Variants in KCNMB2 observed in about 807,000 individuals in gnomAD.
KCNMB2 encodes the protein potassium calcium-activated channel subfamily M regulatory beta subunit 2.
Under a neutral mutation model 24.5 loss-of-function variants are expected in KCNMB2, and 9 were observed. The observed-to-expected ratio is 0.37, with a 90% CI of 0.22 to 0.64. The LOEUF is 0.64. KCNMB2 is among the 30% of genes least tolerant of loss of function. The pLI is 0.63. For missense variants in KCNMB2, 226 were observed against 284.3 expected, an observed-to-expected ratio of 0.79 and a Z score of 1.47; for synonymous variants, 109 against 104.4, an observed-to-expected ratio of 1.04 and a Z score of -0.27.
chr3:178,727,904 A>G (rs1400766904), intron 1 of KCNMB2, among the ~76,000 whole-genome samples: 1 of 152,210 alleles, frequency 6.6e-6, no homozygotes, highest in Admixed American at 6.5e-5. Flanking sequence ...GTTAAATGCT[A>G]CTTTTAAAAG....
chr3:178,839,203 A>C (rs1715340772), intron 4 of KCNMB2, among the ~76,000 whole-genome samples: 1 of 151,778 alleles, frequency 6.6e-6, no homozygotes, highest in South Asian at 2.1e-4. Context: ...AAAAACCCTC[A>C]TTATTATATC....
chr3:178,704,057 T>C (rs539914036), intron 1 of KCNMB2, among the ~76,000 whole-genome samples: 73 of 152,292 alleles, frequency 4.8e-4, no homozygotes, highest in African/African-American at 1.7e-3. Flanking sequence ...CACTTTATAA[T>C]GCTGGAATTT....
chr3:178,803,028 T>G (rs1300882817), intron 1 of KCNMB2, among the ~76,000 whole-genome samples: 1 of 152,182 alleles, frequency 6.6e-6, no homozygotes, highest in Non-Finnish European at 1.5e-5. Flanking sequence ...ACTAACCAAT[T>G]ATTATGTTAT....
intron 1 of KCNMB2, among the ~76,000 whole-genome samples, chr3:178,759,665 T>TATATATATCTCTCTCCAAGAGGG (rs1711630012): frequency 2.2e-5 from 2 of 91,640 alleles, no homozygotes; most frequent in African/African-American, 6.9e-5. Flanking sequence ...CCAAGAGGGA[T>TATATATATCTCTCTCCAAGAGGG]ATATATATAT....
At chr3:178,805,259 C>T (rs1427623965) in intron 1 of KCNMB2, among the ~76,000 whole-genome samples, 2 of 152,340 alleles carry the variant, frequency 1.3e-5, no homozygotes, top group East Asian at 1.9e-4. Flanking sequence ...AGAAGGAGAT[C>T]AACTCCCAAA....
intron 1 of KCNMB2, among the ~76,000 whole-genome samples, chr3:178,541,695 AAC>A (rs1193751368): frequency 6.6e-6 from 1 of 152,224 alleles, no homozygotes; most frequent in Non-Finnish European, 1.5e-5. Context: ...ATCTGAGACA[AAC>A]ACAAGCATTA....
intron 1 of KCNMB2, among the ~76,000 whole-genome samples, chr3:178,588,732 C>T (rs901029949): frequency 2.6e-5 from 4 of 152,072 alleles, no homozygotes; most frequent in Non-Finnish European, 4.4e-5. Flanking sequence ...GTAGCTATTA[C>T]GACTTCCGTT....
chr3:178,555,334 C>T (rs1227597958), intron 1 of KCNMB2, among the ~76,000 whole-genome samples: 2 of 152,252 alleles, frequency 1.3e-5, no homozygotes, highest in Admixed American at 1.3e-4. Context: ...CTAATGGAAT[C>T]ACATGAAGTT....
chr3:178,794,689 G>T (rs542305283), intron 1 of KCNMB2, among the ~76,000 whole-genome samples: 2 of 152,312 alleles, frequency 1.3e-5, no homozygotes, highest in East Asian at 1.9e-4. Flanking sequence ...ATGGAGAAGT[G>T]GCTGTTTCCA....
At chr3:178,599,716 C>T (rs557038890) in intron 1 of KCNMB2, among the ~76,000 whole-genome samples, 7 of 152,246 alleles carry the variant, frequency 4.6e-5, no homozygotes, top group Non-Finnish European at 1.0e-4. Context: ...AAAACCTTTT[C>T]CTCTTACAAA....
At chr3:178,548,347 C>G (rs1324399187) in intron 1 of KCNMB2, among the ~76,000 whole-genome samples, 1 of 152,188 alleles carries the variant, frequency 6.6e-6, no homozygotes, top group East Asian at 1.9e-4. Context: ...CAAGCATGAC[C>G]TTGATCATGG....
At chr3:178,684,220 G>A (rs1196752838) in intron 1 of KCNMB2, among the ~76,000 whole-genome samples, 3 of 151,554 alleles carry the variant, frequency 2.0e-5, no homozygotes, top group African/African-American at 4.8e-5. Flanking sequence ...TCTGGAGGAC[G>A]TTATGCTAAG....
chr3:178,556,742 A>G (rs1156660930), intron 1 of KCNMB2, among the ~76,000 whole-genome samples: 1 of 152,174 alleles, frequency 6.6e-6, no homozygotes, highest in African/African-American at 2.4e-5. Flanking sequence ...GCAACTGGGA[A>G]GGAAACCAGG....
chr3:178,562,984 A>C (rs1243724383), intron 1 of KCNMB2, among the ~76,000 whole-genome samples: 1 of 152,256 alleles, frequency 6.6e-6, no homozygotes, highest in Non-Finnish European at 1.5e-5. Context: ...TGTGTCAAGC[A>C]AAACACATCT....
intron 1 of KCNMB2, among the ~76,000 whole-genome samples, chr3:178,798,983 T>TA (rs35483725): frequency 0.025 from 3,545 of 144,302 alleles, 142 homozygotes; most frequent in African/African-American, 0.08. Context: ...CTCTTGATGA[T>TA]AAAAAAAAAA....
intron 1 of KCNMB2, among the ~76,000 whole-genome samples, chr3:178,656,914 T>C (rs1019429836): frequency 8.6e-5 from 13 of 151,982 alleles, no homozygotes; most frequent in African/African-American, 3.1e-4. Context: ...AGGAGACAAG[T>C]AGGAGCAGCT....
intron 1 of KCNMB2, among the ~76,000 whole-genome samples, chr3:178,598,947 C>T (rs1409409655): frequency 6.6e-6 from 1 of 152,032 alleles, no homozygotes; most frequent in Admixed American, 6.6e-5. Flanking sequence ...GGGATAGACT[C>T]GAGGTTGGAA....
chr3:178,676,840 T>TTTAGCA (rs1162467702), intron 1 of KCNMB2, among the ~76,000 whole-genome samples: 1 of 152,166 alleles, frequency 6.6e-6, no homozygotes, highest in African/African-American at 2.4e-5. Context: ...CTTCCATTTG[T>TTTAGCA]TTAGCATTTT....
chr3:178,644,314 T>A (rs888622952), intron 1 of KCNMB2, among the ~76,000 whole-genome samples: 1 of 152,056 alleles, frequency 6.6e-6, no homozygotes, highest in Non-Finnish European at 1.5e-5. Flanking sequence ...GGAAGAGAGG[T>A]GGGTCATTAT....
Sources: allele counts gnomAD v4.1 joint callset (sites outside exome capture counted in the v4.1 genomes callset), GRCh38; gene constraint gnomAD v4.1.1; transcripts MANE v1.5; gene names NCBI Gene and HGNC (gene_info 2026-07-23, HGNC 2026-07-21).